The following SPHKAP variants were observed in gnomAD, a reference collection of about 807,000 sequenced individuals.
The protein encoded by SPHKAP is SPHK1 interactor, AKAP domain containing.
A neutral mutation model predicts 137.5 loss-of-function variants in SPHKAP; 67 were observed. The observed-to-expected ratio is 0.49, with a 90% CI of 0.40 to 0.60. The LOEUF (loss-of-function observed/expected upper bound fraction) is 0.60. SPHKAP is among the 20% of genes least tolerant of loss of function. The pLI is 0.00. For synonymous variants in SPHKAP, 813 were observed against 785.3 expected (o/e 1.04, Z -0.59); for missense variants, 2,097 against 2,069.3 (o/e 1.01, Z -0.26).
intron 3 of SPHKAP, among the ~76,000 whole-genome samples, chr2:228,100,859 A>G (rs2106338676): frequency 6.6e-6 from 1 of 152,304 alleles, no homozygotes; most frequent in African/African-American, 2.4e-5. Context: ...TGCTGGCTAC[A>G]TAGAAAGAGT....
intron 3 of SPHKAP, among the ~76,000 whole-genome samples, chr2:228,075,699 G>T (rs1466179118): frequency 6.6e-6 from 1 of 152,176 alleles, no homozygotes; most frequent in Non-Finnish European, 1.5e-5. Context: ...CTCATTCTCA[G>T]ATGTAAGTCA....
chr2:228,028,823 T>C (rs1405826288), intron 3 of SPHKAP, among the ~76,000 whole-genome samples: 2 of 152,246 alleles, frequency 1.3e-5, no homozygotes, highest in East Asian at 3.9e-4. Context: ...TAACAGTAAG[T>C]GACTCATGCC....
rs906422506 is a variant in SPHKAP at position 227,981,064 on chromosome 2, T to C, written c.*653A>G. ...TCTTCTTCAGTTGAATGACAATAGT[T>C]TTCTGCTTAGCTGGGAGTCCACATA... On this transcript the variant is annotated 3_prime_UTR_variant, in exon 12 of 12. Transcript: ENST00000392056. 6.6e-6 allele frequency: 1 copy of C among 152,154 alleles called. No homozygotes were observed. Among genetic ancestry groups the C allele is most frequent in the Non-Finnish European group, 1.5e-5 (1 of 68,032 alleles). The allele number at this position is 152,154 out of a possible 1,614,324, so 9.4% of individuals were successfully genotyped here. A position where few individuals can be genotyped will look rare whatever the true frequency, so the allele number is the denominator to read the frequency against.
intron 1 of SPHKAP, among the ~76,000 whole-genome samples, chr2:228,179,554 A>T (rs1413258082): frequency 1.3e-5 from 2 of 152,146 alleles, no homozygotes; most frequent in African/African-American, 4.8e-5. Context: ...AAATACCCGA[A>T]ATTACTACAC....
chr2:228,106,227 C>G (rs1698340625), intron 3 of SPHKAP, among the ~76,000 whole-genome samples: 1 of 152,230 alleles, frequency 6.6e-6, no homozygotes, highest in Non-Finnish European at 1.5e-5. Flanking sequence ...ATTCAGGAAA[C>G]TTTGCTACCT....
intron 3 of SPHKAP, among the ~76,000 whole-genome samples, chr2:228,035,979 C>T (rs1404184434): frequency 5.4e-5 from 8 of 149,062 alleles, no homozygotes; most frequent in Admixed American, 1.3e-4. Flanking sequence ...TGGGCAAGGA[C>T]TTCATGTCTA....
rs1693405563 is a variant in SPHKAP, at chr2:227,991,287, T to C, written c.4761A>G (p.Ser1587=). 1.2e-6 allele frequency: 2 copies of C among 1,614,140 alleles called. No individual in the cohort carries two copies. Among genetic ancestry groups the C allele is most frequent in the African/African-American group, 2.7e-5 (2 of 74,958 alleles). ...AAGGTGGCTTACCCTCTGTGCTTTCTGACTGTCCTTTAAGAATCTTCTTTT... is the reference window on the plus strand; with the variant it reads ...AAGGTGGCTTACCCTCTGTGCTTTCCGACTGTCCTTTAAGAATCTTCTTTT... ...VEEKKILKGQ[S]ESTEAPASGP... The change falls in exon 10 of 12, where the codon TCA becomes TCG. Residue 1587 remains serine, a synonymous_variant. Coordinates refer to ENST00000392056, the MANE Select transcript of SPHKAP (RefSeq NM_001142644.2).
At position 228,149,740 on chromosome 2, in the gene SPHKAP, C is replaced by T. The variant is rs115448557; in HGVS notation, c.33-17655G>A. On this transcript the variant is annotated intron_variant, in intron 1 of 11. Coordinates refer to ENST00000392056, the MANE Select transcript of SPHKAP (RefSeq NM_001142644.2). ...TTTAAAATTTTCCCTTTTTTTGTGA[C>T]TCATATGAAAAATTATTTATGTAAA... Among the ~76,000 whole-genome samples, 841 of 151,850 alleles carry T rather than the reference C, an allele frequency of 5.5e-3. 8 individuals are homozygous for T. The highest frequency in any genetic ancestry group is 0.019 in the African/African-American group (791 of 41,432).
intron 1 of SPHKAP, among the ~76,000 whole-genome samples, chr2:228,169,223 G>A (rs1363907686): frequency 2.6e-5 from 4 of 152,166 alleles, no homozygotes; most frequent in Admixed American, 1.3e-4. Context: ...ATTGATGAAG[G>A]TGGCTTCAAT....
intron 2 of SPHKAP, among the ~76,000 whole-genome samples, chr2:228,129,207 A>G (rs989602210): frequency 2.6e-5 from 4 of 152,212 alleles, no homozygotes; most frequent in Non-Finnish European, 5.9e-5. Context: ...TATTGAGAGA[A>G]TTACCAAAAT....
chr2:228,054,441 T>C (rs1248576690), intron 3 of SPHKAP, among the ~76,000 whole-genome samples: 3 of 152,068 alleles, frequency 2.0e-5, no homozygotes, highest in Non-Finnish European at 4.4e-5. Context: ...TGTAGAATGG[T>C]ATAGAATAGA....
At chr2:228,118,920 C>T (rs1037273957) in intron 2 of SPHKAP, among the ~76,000 whole-genome samples, 2 of 151,954 alleles carry the variant, frequency 1.3e-5, no homozygotes, top group Non-Finnish European at 2.9e-5. Context: ...TAGGAGGACA[C>T]GTCATAATCA....
At chr2:228,135,895 C>T (rs994792701) in intron 1 of SPHKAP, among the ~76,000 whole-genome samples, 1 of 151,842 alleles carries the variant, frequency 6.6e-6, no homozygotes, top group Non-Finnish European at 1.5e-5. Flanking sequence ...TTTAATGATG[C>T]CTAATATCAA....
In SPHKAP at chr2:228,019,120, C is replaced by T; in HGVS notation, c.1734G>A (p.Glu578=). The T allele has an allele frequency of 6.2e-7, 1 of 1,614,006 alleles. No homozygotes were observed. Among genetic ancestry groups the T allele is most frequent in the East Asian group, 2.2e-5 (1 of 44,878 alleles). Residue 578 remains glutamate (E), a synonymous_variant, in exon 7 of 12, where the codon GAG becomes GAA. Transcript: ENST00000392056. ...CACTTGGAGCCACTGAGCATGTCAC[C>T]TCTTCTCTTTCACCCAGACCACAGA... ...VAVCGLGERE[E]VTCSVAPSGS... is the part of the protein sequence containing the mutation.
At chr2:228,097,438 T>C (rs1021301583) in intron 3 of SPHKAP, among the ~76,000 whole-genome samples, 31 of 152,330 alleles carry the variant, frequency 2.0e-4, no homozygotes, top group African/African-American at 7.0e-4. Context: ...TTGGGGACCC[T>C]GGGACATGCA....
chr2:228,165,879 C>A (rs1430148487), intron 1 of SPHKAP, among the ~76,000 whole-genome samples: 1 of 152,170 alleles, frequency 6.6e-6, no homozygotes, highest in Non-Finnish European at 1.5e-5. Context: ...GTGGTTGTTG[C>A]CTGTTGATTC....
chr2:228,170,531 C>A (rs1700552274), intron 1 of SPHKAP, among the ~76,000 whole-genome samples: 1 of 152,162 alleles, frequency 6.6e-6, no homozygotes, highest in East Asian at 1.9e-4. Flanking sequence ...GCAACAATCA[C>A]CCTGATTAGT....
chr2:228,080,387 T>C (rs1456930044), intron 3 of SPHKAP, among the ~76,000 whole-genome samples: 1 of 152,186 alleles, frequency 6.6e-6, no homozygotes, highest in Non-Finnish European at 1.5e-5. Flanking sequence ...TGCTTAACAT[T>C]CCTAATAATC....
At chr2:228,171,580 T>C (rs1375857664) in intron 1 of SPHKAP, among the ~76,000 whole-genome samples, 1 of 152,160 alleles carries the variant, frequency 6.6e-6, no homozygotes, top group African/African-American at 2.4e-5. Flanking sequence ...GACTGATCAG[T>C]TTGGTTCATT....
Sources: gnomAD v4.1 joint callset for allele counts (sites outside exome capture counted in the v4.1 genomes callset) on GRCh38, gnomAD v4.1.1 for gene constraint, MANE v1.5 for transcripts, NCBI Gene and HGNC (gene_info 2026-07-23, HGNC 2026-07-21) for gene names.